LDB3: variants seen among roughly 807,000 people sequenced by gnomAD.
The protein encoded by LDB3 is LIM domain-binding protein 3.
LDB3 carries 49 observed loss-of-function variants against 69.0 expected under a neutral mutation model. The observed-to-expected ratio is 0.71, with a 90% CI of 0.56 to 0.90. LDB3 has a LOEUF of 0.90. LDB3 is among the 40% of genes least tolerant of loss of function. The pLI is 0.00. For missense variants in LDB3, 928 were observed against 974.1 expected (o/e 0.95, Z 0.63); for synonymous variants, 387 against 396.2 (o/e 0.98, Z 0.28).
chr10:86,722,775 G>T (rs1847126631), intron 12 of LDB3, among the ~76,000 whole-genome samples: 1 of 150,392 alleles, frequency 6.6e-6, no homozygotes, highest in Non-Finnish European at 1.5e-5. Flanking sequence ...CACCATCTTG[G>T]CCAGGCTGGT....
chr10:86,690,492 G>A (rs1351676565), intron 5 of LDB3, among the ~76,000 whole-genome samples: 1 of 152,196 alleles, frequency 6.6e-6, no homozygotes. Context: ...ATAGCTCTCT[G>A]GGCCAGGGCA....
chr10:86,668,671 G>T lies in LDB3; in HGVS notation c.-21G>T, dbSNP rs1050286620. ...CCCTCTCTACCCTTTGTCTGCAGAG[G>T]CGGCCGCTGACAGCACCAGCATGTC... On this transcript the variant is annotated splice_region_variant and 5_prime_UTR_variant, in exon 2 of 14. Transcript: ENST00000361373. 1.2e-6 allele frequency: 2 copies of T among 1,603,382 alleles called. No homozygotes were observed. Among genetic ancestry groups the T allele is most frequent in the Non-Finnish European group, 1.7e-6 (2 of 1,171,098 alleles).
At chr10:86,687,188 A>T in intron 5 of LDB3, 2 of 1,614,224 alleles carry the variant, frequency 1.2e-6, no homozygotes. Flanking sequence ...GCGCAGTACA[A>T]CACGCCCATC....
chr10:86,671,794 G>C (rs907254910), intron 2 of LDB3, among the ~76,000 whole-genome samples: 1 of 152,148 alleles, frequency 6.6e-6, no homozygotes, highest in Non-Finnish European at 1.5e-5. Context: ...TTACCTGCTC[G>C]GCCTCAGTTT....
chr10:86,680,908 G>A (rs1429961061), intron 4 of LDB3, among the ~76,000 whole-genome samples: 1 of 152,220 alleles, frequency 6.6e-6, no homozygotes, highest in Non-Finnish European at 1.5e-5. Flanking sequence ...TCACAGACTG[G>A]GGAAGTGGGT....
intron 9 of LDB3, among the ~76,000 whole-genome samples, chr10:86,711,555 G>GC (rs1266293547): frequency 6.6e-6 from 1 of 151,970 alleles, no homozygotes; most frequent in African/African-American, 2.4e-5. Flanking sequence ...GTGGTCCCGA[G>GC]CCCCCCTCCG....
chr10:86,709,402 G>C (rs1198901273), intron 8 of LDB3, among the ~76,000 whole-genome samples: 1 of 152,162 alleles, frequency 6.6e-6, no homozygotes, highest in East Asian at 1.9e-4. Context: ...GCCTTGGGCA[G>C]CAGGCGGGGG....
rs1847528807 is a variant in LDB3 at position 86,732,958 on chromosome 10, A to G, written c.2166A>G (p.Ala722=). Residue 722 remains alanine (A), a synonymous_variant, in exon 14 of 14, where the codon GCA becomes GCG. Coordinates refer to ENST00000361373, the MANE Select transcript of LDB3 (RefSeq NM_007078.3). ...KKDRPLCKKH[A]HTINL is the part of the protein sequence containing the mutation. The stretch of plus-strand genomic sequence containing the variant: ...ACAGACCCCTGTGCAAGAAGCACGC[A>G]CACACCATCAACTTGTAGGCGGCCA... 1 of 1,613,698 alleles carries G rather than the reference A, an allele frequency of 6.2e-7. No individual in the cohort carries two copies. Among genetic ancestry groups the G allele is most frequent in the South Asian group, 1.1e-5 (1 of 90,992 alleles).
intron 7 of LDB3, among the ~76,000 whole-genome samples, chr10:86,703,386 G>T (rs1293682893): frequency 2.6e-5 from 4 of 152,198 alleles, no homozygotes; most frequent in Non-Finnish European, 5.9e-5. Context: ...CAGAAGCGAG[G>T]TTCTTTCATA....
chr10:86,716,532 G>C lies in LDB3; in HGVS notation c.1437G>C (p.Gly479=), dbSNP rs960379328. ...YNPAPSVAYS[G]GPAEPASRPP... Reference sequence around the variant, plus strand: ...CTGCACCCTCGGTGGCCTACAGCGGGGGCCCTGCGGAGCCTGCCAGCCGTC... The same window carrying C: ...CTGCACCCTCGGTGGCCTACAGCGGCGGCCCTGCGGAGCCTGCCAGCCGTC... Residue 479 remains glycine (G), a synonymous_variant, in exon 10 of 14, where the codon GGG becomes GGC. Transcript: ENST00000361373. 1 of 1,612,910 alleles carries C rather than the reference G, an allele frequency of 6.2e-7. No individual in the cohort carries two copies. The highest frequency in any genetic ancestry group is 1.3e-5 in the African/African-American group (1 of 74,482).
chr10:86,679,603 A>G, intron 3 of LDB3, 85 bp downstream of exon 3: 1 of 1,462,000 alleles, frequency 6.8e-7, no homozygotes, highest in Non-Finnish European at 9.5e-7. Flanking sequence ...TCCCATAGCA[A>G]TTGAGTGGGC....
intron 13 of LDB3, among the ~76,000 whole-genome samples, chr10:86,731,941 CT>C (rs1182614246): frequency 6.8e-6 from 1 of 148,144 alleles, no homozygotes; most frequent in African/African-American, 2.5e-5. Context: ...TAATATGTGT[CT>C]AGTGGTATCT....
chr10:86,668,948 G>T (rs1421387982), intron 2 of LDB3, among the ~76,000 whole-genome samples, 164 bp downstream of exon 2: 5 of 152,238 alleles, frequency 3.3e-5, no homozygotes, highest in Non-Finnish European at 7.3e-5. Flanking sequence ...ACAGCTGTTT[G>T]CTCACTGGAG....
At chr10:86,686,344 A>G (rs113074220) in intron 5 of LDB3, among the ~76,000 whole-genome samples, 46 of 152,164 alleles carry the variant, frequency 3.0e-4, no homozygotes, top group African/African-American at 9.9e-4. Flanking sequence ...CCTTTGGGGC[A>G]TTCTGGACTC....
chr10:86,699,225 G>T lies in LDB3; in HGVS notation c.896+6654G>T. 1.9e-6 allele frequency: 3 copies of T among 1,560,192 alleles called. No homozygotes were observed. The highest frequency in any genetic ancestry group is 1.8e-5 in the Admixed American group (1 of 55,522). Reference sequence around the variant, plus strand: ...TTCTCCCTCTCTTCTCTCTCTTTCTGTCTCTGTCTCTGTTTCTCTCTCTCT... The same window carrying T: ...TTCTCCCTCTCTTCTCTCTCTTTCTTTCTCTGTCTCTGTTTCTCTCTCTCT... On this transcript the variant is annotated intron_variant, in intron 7 of 13. Transcript: ENST00000361373. The surrounding 1 kb of genome is among the most constrained non-coding windows in gnomAD (Gnocchi z 4.9).
At chr10:86,721,486 G>T (rs991215384) in intron 12 of LDB3, among the ~76,000 whole-genome samples, 1 of 152,130 alleles carries the variant, frequency 6.6e-6, no homozygotes, top group African/African-American at 2.4e-5. Flanking sequence ...ACCTGCACCC[G>T]AGCAGTTCCC....
At chr10:86,692,181 C>A in intron 6 of LDB3, 116 bp downstream of exon 6, 1 of 1,242,666 alleles carries the variant, frequency 8.0e-7, no homozygotes. Flanking sequence ...TGAAGGTGGG[C>A]CAGGCTTGAT....
At chr10:86,688,685 G>A (rs1845618274) in intron 5 of LDB3, among the ~76,000 whole-genome samples, 1 of 152,196 alleles carries the variant, frequency 6.6e-6, no homozygotes, top group African/African-American at 2.4e-5. Flanking sequence ...AAGCCCAAGA[G>A]CTAACAGGGA....
intron 13 of LDB3, among the ~76,000 whole-genome samples, chr10:86,731,585 A>G (rs1847461201): frequency 6.6e-6 from 1 of 152,110 alleles, no homozygotes; most frequent in Non-Finnish European, 1.5e-5. Flanking sequence ...TTACTGAATC[A>G]TCTTCCTATT....
Sources: allele counts gnomAD v4.1 joint callset (sites outside exome capture counted in the v4.1 genomes callset), GRCh38; gene constraint gnomAD v4.1.1; non-coding constraint Gnocchi (gnomAD v3.1); transcripts MANE v1.5; gene names NCBI Gene and HGNC (gene_info 2026-07-23, HGNC 2026-07-21).